TOX: variants seen among roughly 807,000 people sequenced by gnomAD.
TOX encodes the protein thymocyte selection-associated high mobility group box protein TOX.
In TOX, 11 loss-of-function variants were observed where a neutral mutation model predicts 53.7. That is an observed-to-expected ratio of 0.20 (90% CI 0.13 to 0.34). The LOEUF (loss-of-function observed/expected upper bound fraction) is 0.34. TOX is among the 10% of genes least tolerant of loss of function. TOX has a pLI of 1.00. For missense variants in TOX, 570 were observed against 664.6 expected (o/e 0.86, Z 1.56); for synonymous variants, 225 against 245.3 (o/e 0.92, Z 0.77).
At chr8:58,965,713 G>T (rs1463735176) in intron 1 of TOX, among the ~76,000 whole-genome samples, 2 of 152,004 alleles carry the variant, frequency 1.3e-5, no homozygotes, top group Non-Finnish European at 2.9e-5. Context: ...TTTTCTGAAA[G>T]AATATTTGAT....
chr8:58,821,002 A>G (rs1350381664), intron 6 of TOX, among the ~76,000 whole-genome samples: 1 of 152,208 alleles, frequency 6.6e-6, no homozygotes, highest in Non-Finnish European at 1.5e-5. Context: ...CCAACCCCAT[A>G]TGACCTTCAA....
intron 3 of TOX, among the ~76,000 whole-genome samples, chr8:58,886,083 T>C (rs561376527): frequency 6.6e-6 from 1 of 152,236 alleles, no homozygotes; most frequent in East Asian, 1.9e-4. Flanking sequence ...TATCAGTTGA[T>C]TGCTATTACA....
intron 1 of TOX, among the ~76,000 whole-genome samples, chr8:59,090,919 T>C (rs1420561970): frequency 6.6e-6 from 1 of 152,180 alleles, no homozygotes; most frequent in African/African-American, 2.4e-5. Context: ...TGTCCTTTAT[T>C]CTATCAAAGG....
At chr8:58,944,744 T>C (rs937294209) in intron 2 of TOX, among the ~76,000 whole-genome samples, 1 of 152,216 alleles carries the variant, frequency 6.6e-6, no homozygotes, top group Non-Finnish European at 1.5e-5. Flanking sequence ...AACAATGGCT[T>C]TATATAGCTA....
At chr8:59,037,967 T>C (rs777473643) in intron 1 of TOX, among the ~76,000 whole-genome samples, 2 of 152,112 alleles carry the variant, frequency 1.3e-5, no homozygotes, top group Non-Finnish European at 2.9e-5. Flanking sequence ...CACAGGACAA[T>C]AATAAAATCA....
chr8:58,901,196 C>T (rs542152129), intron 3 of TOX, among the ~76,000 whole-genome samples: 1 of 152,174 alleles, frequency 6.6e-6, no homozygotes, highest in East Asian at 1.9e-4. Context: ...TCTCCTGTAG[C>T]AAAATGATTC....
intron 5 of TOX, among the ~76,000 whole-genome samples, chr8:58,834,963 G>A (rs944779846): frequency 5.3e-5 from 8 of 152,146 alleles, no homozygotes; most frequent in Non-Finnish European, 1.0e-4. Context: ...GACCAAAACT[G>A]TTTTAGTCAT....
chr8:59,087,294 T>C (rs982751307), intron 1 of TOX, among the ~76,000 whole-genome samples: 4 of 152,222 alleles, frequency 2.6e-5, no homozygotes, highest in African/African-American at 9.6e-5. Context: ...TAAAGGCATT[T>C]GCTTAGCCTT....
chr8:59,000,346 GT>G (rs777966077), intron 1 of TOX, among the ~76,000 whole-genome samples: 143 of 152,276 alleles, frequency 9.4e-4, no homozygotes, highest in Non-Finnish European at 1.7e-3. Flanking sequence ...AATAATTATA[GT>G]GAAGACACTA....
chr8:58,931,511 G>T (rs1812253306), intron 3 of TOX, among the ~76,000 whole-genome samples: 1 of 152,110 alleles, frequency 6.6e-6, no homozygotes, highest in Non-Finnish European at 1.5e-5. Context: ...GACAAAATAG[G>T]CTAAAATTTC....
At chr8:59,043,074 C>T (rs1803621121) in intron 1 of TOX, among the ~76,000 whole-genome samples, 1 of 151,968 alleles carries the variant, frequency 6.6e-6, no homozygotes, top group Non-Finnish European at 1.5e-5. Flanking sequence ...ACCCTTTAAC[C>T]AAAACTCCCC....
intron 1 of TOX, among the ~76,000 whole-genome samples, chr8:59,000,879 C>T (rs1013829906): frequency 6.6e-6 from 1 of 152,038 alleles, no homozygotes; most frequent in Non-Finnish European, 1.5e-5. Context: ...AATAAATAAA[C>T]AGTTCAAGAA....
intron 3 of TOX, among the ~76,000 whole-genome samples, chr8:58,902,394 A>T (rs10091451): frequency 0.5 from 76,020 of 151,940 alleles, 19,576 homozygotes; most frequent in African/African-American, 0.61. Flanking sequence ...TCGGTGCCAG[A>T]TGCAGGACGG....
At chr8:58,999,055 C>T (rs1254624875) in intron 1 of TOX, among the ~76,000 whole-genome samples, 1 of 152,094 alleles carries the variant, frequency 6.6e-6, no homozygotes, top group Non-Finnish European at 1.5e-5. Context: ...AAAAGAGTTT[C>T]CAAAAGTAAC....
chr8:58,872,923 T>C (rs1013910521), intron 3 of TOX, among the ~76,000 whole-genome samples: 2 of 152,148 alleles, frequency 1.3e-5, no homozygotes, highest in African/African-American at 4.8e-5. Flanking sequence ...ATCATACTAA[T>C]GTAAGATGTT....
intron 1 of TOX, among the ~76,000 whole-genome samples, chr8:59,000,062 T>G (rs1395261810): frequency 1.3e-5 from 2 of 152,186 alleles, no homozygotes; most frequent in Admixed American, 1.3e-4. Flanking sequence ...TGCATTATTT[T>G]AAAAAATATA....
intron 3 of TOX, among the ~76,000 whole-genome samples, chr8:58,880,781 A>G (rs997595515): frequency 6.6e-6 from 1 of 152,190 alleles, no homozygotes. Flanking sequence ...TAAGTTATTT[A>G]TGGCTTAACA....
chr8:58,999,717 G>A (rs753344963), intron 1 of TOX, among the ~76,000 whole-genome samples: 1 of 152,136 alleles, frequency 6.6e-6, no homozygotes, highest in African/African-American at 2.4e-5. Flanking sequence ...GTGGCACGGC[G>A]ATCTCTATTT....
chr8:58,898,717 A>G (rs1417195411), intron 3 of TOX, among the ~76,000 whole-genome samples: 3 of 152,132 alleles, frequency 2.0e-5, no homozygotes, highest in African/African-American at 7.2e-5. Context: ...AGAGAGTTGC[A>G]TGCTTCCTTT....
Sources: allele counts gnomAD v4.1 joint callset (sites outside exome capture counted in the v4.1 genomes callset), GRCh38; gene constraint gnomAD v4.1.1; transcripts MANE v1.5; gene names NCBI Gene and HGNC (gene_info 2026-07-23, HGNC 2026-07-21).